TGFBR3: variants seen among roughly 807,000 people sequenced by gnomAD.
TGFBR3 encodes the protein transforming growth factor beta receptor type 3.
A neutral mutation model predicts 87.9 loss-of-function variants in TGFBR3; 46 were observed. The ratio of observed to expected loss-of-function variants is 0.52; its 90% confidence interval spans 0.41 to 0.67. The LOEUF (loss-of-function observed/expected upper bound fraction) is 0.67, where lower values mean the gene tolerates loss of function less well. Among genes scored for constraint, TGFBR3 ranks in the 30% least tolerant of loss-of-function variants. The pLI, the probability that TGFBR3 is intolerant of heterozygous loss-of-function variation, is 0.00. For missense variants in TGFBR3, 866 were observed against 1,041.9 expected, an observed-to-expected ratio of 0.83 and a Z score of 2.32; for synonymous variants, 381 against 391.6, an observed-to-expected ratio of 0.97 and a Z score of 0.32.
At chr1:91,729,150 T>TAC (rs57364204) in intron 6 of TGFBR3, among the ~76,000 whole-genome samples, 4,813 of 66,862 alleles carry the variant, frequency 0.072, 644 homozygotes, top group South Asian at 0.11. Context: ...CACTCCAGCA[T>TAC]ACACACACAC....
intron 16 of TGFBR3, among the ~76,000 whole-genome samples, chr1:91,694,287 C>G (rs997693162): frequency 3.3e-5 from 5 of 152,200 alleles, no homozygotes; most frequent in Admixed American, 1.3e-4. Context: ...ATTTTTTAAT[C>G]TTTCACGTAA....
chr1:91,813,803 A>G (rs1557724570), intron 2 of TGFBR3, among the ~76,000 whole-genome samples: 1 of 152,230 alleles, frequency 6.6e-6, no homozygotes, highest in Non-Finnish European at 1.5e-5. Context: ...CATGGAAGAC[A>G]GTTTTTCCAC....
At chr1:91,829,241 T>G (rs1257204799) in intron 2 of TGFBR3, among the ~76,000 whole-genome samples, 1 of 151,966 alleles carries the variant, frequency 6.6e-6, no homozygotes, top group Non-Finnish European at 1.5e-5. Flanking sequence ...CCAGGTGTGG[T>G]GGCACGCACC....
At chr1:91,779,601 T>A (rs1408460001) in intron 3 of TGFBR3, among the ~76,000 whole-genome samples, 1 of 152,208 alleles carries the variant, frequency 6.6e-6, no homozygotes, top group Non-Finnish European at 1.5e-5. Flanking sequence ...GGATTGGATA[T>A]GACATCTGAG....
chr1:91,808,437 G>A (rs1165536484), intron 2 of TGFBR3, among the ~76,000 whole-genome samples: 1 of 152,166 alleles, frequency 6.6e-6, no homozygotes, highest in African/African-American at 2.4e-5. Flanking sequence ...TTGGCCAACA[G>A]TTCTTCTGAT....
At position 91,809,044 on chromosome 1, in the gene TGFBR3, C is replaced by T. The variant is rs17878299; in HGVS notation, c.62-11573G>A. 1.4e-3 allele frequency among the ~76,000 whole-genome samples: 214 copies of T among 152,234 alleles called. 2 individuals carry two copies. Among genetic ancestry groups the T allele is most frequent in the South Asian group, 0.012 (56 of 4,822 alleles). On this transcript the variant is annotated intron_variant, in intron 2 of 16. Transcript: ENST00000212355. ...CTTTATTAAAATGCAAATGCTTTATCGACTTAGATTCAAAATATTAAACTG... is the reference window on the plus strand; with the variant it reads ...CTTTATTAAAATGCAAATGCTTTATTGACTTAGATTCAAAATATTAAACTG...
At chr1:91,701,121 T>G (rs1050268511) in intron 14 of TGFBR3, among the ~76,000 whole-genome samples, 1 of 152,104 alleles carries the variant, frequency 6.6e-6, no homozygotes, top group Non-Finnish European at 1.5e-5. Flanking sequence ...TGGATGGCAT[T>G]GTTTTAAAAT....
chr1:91,702,151 G>C (rs936031422), intron 14 of TGFBR3, among the ~76,000 whole-genome samples: 22 of 152,150 alleles, frequency 1.4e-4, no homozygotes, highest in Non-Finnish European at 2.4e-4. Context: ...CAACTACAAA[G>C]GGTATTCCAG....
intron 1 of TGFBR3, among the ~76,000 whole-genome samples, chr1:91,885,367 G>GGT (rs1679254593): frequency 7.2e-6 from 1 of 138,714 alleles, no homozygotes; most frequent in Non-Finnish European, 1.6e-5. Flanking sequence ...CGGGGCGGGG[G>GGT]GGGGCCGAGC....
At chr1:91,828,410 C>T (rs1025325640) in intron 2 of TGFBR3, among the ~76,000 whole-genome samples, 3 of 152,188 alleles carry the variant, frequency 2.0e-5, no homozygotes, top group African/African-American at 7.2e-5. Flanking sequence ...ACATCAAATC[C>T]ATAGCCCAGT....
intron 6 of TGFBR3, 136 bp from the exon 7 acceptor site, chr1:91,727,942 A>T: frequency 3.0e-6 from 3 of 993,168 alleles, no homozygotes; most frequent in Non-Finnish European, 1.5e-6. Flanking sequence ...GGCCAATGAC[A>T]TGTGCAAAAC....
At chr1:91,697,233 C>T (rs1187155081) in intron 15 of TGFBR3, among the ~76,000 whole-genome samples, 1 of 152,064 alleles carries the variant, frequency 6.6e-6, no homozygotes, top group Non-Finnish European at 1.5e-5. Context: ...GATATGTGTC[C>T]ATATGTGCCT....
At chr1:91,687,635 C>A (rs1237062386) in intron 16 of TGFBR3, among the ~76,000 whole-genome samples, 1 of 152,148 alleles carries the variant, frequency 6.6e-6, no homozygotes, top group Non-Finnish European at 1.5e-5. Context: ...ATTGCAAATA[C>A]TCTCCATGAG....
intron 2 of TGFBR3, among the ~76,000 whole-genome samples, chr1:91,899,316 A>G (rs1440767232): frequency 6.6e-6 from 1 of 152,068 alleles, no homozygotes; most frequent in African/African-American, 2.4e-5. Flanking sequence ...CCAGGAATTC[A>G]GCAACATAGT....
At chr1:91,798,737 A>G (rs900863961) in intron 2 of TGFBR3, among the ~76,000 whole-genome samples, 4 of 152,222 alleles carry the variant, frequency 2.6e-5, no homozygotes, top group Non-Finnish European at 5.9e-5. Context: ...TGCCTGGCAT[A>G]TATGAGATGC....
At chr1:91,807,714 T>C (rs1675886225) in intron 2 of TGFBR3, among the ~76,000 whole-genome samples, 2 of 152,300 alleles carry the variant, frequency 1.3e-5, no homozygotes, top group South Asian at 4.1e-4. Flanking sequence ...GTGGTGCTGT[T>C]ATGTTTCATG....
intron 3 of TGFBR3, among the ~76,000 whole-genome samples, chr1:91,781,934 C>A (rs188697272): frequency 2.4e-4 from 37 of 152,184 alleles, no homozygotes; most frequent in African/African-American, 8.4e-4. Context: ...TAGATCTTAA[C>A]AGCATTAAAA....
intron 7 of TGFBR3, among the ~76,000 whole-genome samples, chr1:91,726,790 CAAAAAAAAA>C (rs199939529): frequency 1.7e-4 from 15 of 90,580 alleles, no homozygotes; most frequent in South Asian, 7.9e-4. Context: ...AGAGATTGGC[CAAAAAAAAA>C]AAAAAAAAAA....
chr1:91,873,282 CTTTTTTTTTTT>C (rs34364302), intron 1 of TGFBR3, among the ~76,000 whole-genome samples: 1 of 100,948 alleles, frequency 9.9e-6, no homozygotes, highest in African/African-American at 3.7e-5. Context: ...ATTTTCCCTT[CTTTTTTTTTTT>C]TTTTTTTTTG....
Sources: allele counts gnomAD v4.1 joint callset (sites outside exome capture counted in the v4.1 genomes callset), GRCh38; gene constraint gnomAD v4.1.1; transcripts MANE v1.5; gene names NCBI Gene and HGNC (gene_info 2026-07-23, HGNC 2026-07-21).